The following FBXO38 variants were observed in gnomAD, a reference collection of about 807,000 sequenced individuals.
FBXO38 encodes F-box only protein 38.
FBXO38 carries 53 observed loss-of-function variants against 131.9 expected under a neutral mutation model. That is an observed-to-expected ratio of 0.40 (90% confidence interval 0.32 to 0.51). The LOEUF is 0.51. FBXO38 is among the 20% of genes least tolerant of loss of function. The probability of loss-of-function intolerance (pLI) is 0.53; values close to 1 mark genes in which losing one functional copy is unlikely to be tolerated. For missense variants in FBXO38, 1,076 were observed against 1,475.6 expected, an observed-to-expected ratio of 0.73 and a Z score of 4.44; for synonymous variants, 452 against 505.6, an observed-to-expected ratio of 0.89 and a Z score of 1.42.
At chr5:148,433,210 T>G in intron 15 of FBXO38, 1 of 458,484 alleles carries the variant, frequency 2.2e-6, no homozygotes, top group Non-Finnish European at 3.9e-6. Context: ...ATGAGAAGGG[T>G]TGTTATGTTT....
intron 18 of FBXO38, among the ~76,000 whole-genome samples, chr5:148,439,291 G>A (rs1754535185): frequency 6.6e-6 from 1 of 152,110 alleles, no homozygotes; most frequent in African/African-American, 2.4e-5. Context: ...ATTTGAATAG[G>A]GTATATGTTA....
chr5:148,416,149 T>C (rs1257284362), intron 11 of FBXO38, 79 bp downstream of exon 11: 13 of 1,352,730 alleles, frequency 9.6e-6, no homozygotes, highest in South Asian at 3.1e-5. Context: ...TTTTTTTTTT[T>C]CTTTTCAATG....
intron 12 of FBXO38, among the ~76,000 whole-genome samples, chr5:148,420,407 A>G (rs1417630008): frequency 6.6e-6 from 1 of 151,932 alleles, no homozygotes; most frequent in Non-Finnish European, 1.5e-5. Flanking sequence ...GATTACAGGC[A>G]TGAGTCAGTC....
rs1426177166 is a variant in FBXO38, at chr5:148,424,066, C to G, written c.1687C>G (p.Pro563Ala). 4.3e-6 allele frequency: 7 copies of G among 1,613,450 alleles called. No homozygotes were observed. The highest frequency in any genetic ancestry group is 3.4e-6 in the Non-Finnish European group (4 of 1,179,616). ...GGTGGCCGAGAGTGGAAATAATACT[C>G]CAGCTCACAGCCAGGCAATTATTCC... Reference protein sequence around the residue: ...EVVAESGNNTPAHSQAIIPVD... With the variant: ...EVVAESGNNTAAHSQAIIPVD... The change falls in exon 13 of 22, where the codon CCA becomes GCA. Residue 563 changes from proline to alanine, a missense_variant. Physicochemically the swap from Pro to Ala is conservative, Grantham distance 27. This residue lies in a region of FBXO38 where 212 missense variants were observed against 221.2 expected (regional missense o/e 0.96). Coordinates refer to ENST00000340253, the MANE Select transcript of FBXO38 (RefSeq NM_205836.3).
chr5:148,401,748 CAAT>C (rs1284850513), intron 3 of FBXO38, among the ~76,000 whole-genome samples: 1 of 152,072 alleles, frequency 6.6e-6, no homozygotes, highest in Non-Finnish European at 1.5e-5. Context: ...ACCAAAAAGT[CAAT>C]AATAAAAGCC....
chr5:148,424,190 C>T (rs771244323), intron 13 of FBXO38, 73 bp downstream of exon 13: 33 of 1,445,884 alleles, frequency 2.3e-5, no homozygotes, highest in East Asian at 1.4e-4. Context: ...CATGAGACAG[C>T]GAGAATGATT....
At chr5:148,388,349 C>G (rs1036135744) in intron 1 of FBXO38, among the ~76,000 whole-genome samples, 2 of 152,194 alleles carry the variant, frequency 1.3e-5, no homozygotes, top group African/African-American at 2.4e-5. Flanking sequence ...GCTGCAACTT[C>G]ATGTCACCAG....
intron 15 of FBXO38, among the ~76,000 whole-genome samples, chr5:148,431,261 T>C (rs1581292045): frequency 6.6e-6 from 1 of 152,210 alleles, no homozygotes; most frequent in East Asian, 1.9e-4. Flanking sequence ...CTAAACAAAA[T>C]TAATTGTCTC....
At chr5:148,384,955 A>G (rs957561684) in intron 1 of FBXO38, 1 of 152,202 alleles carries the variant, frequency 6.6e-6, no homozygotes, top group Non-Finnish European at 1.5e-5. Flanking sequence ...CTCTCTCTGA[A>G]CTTGAGATTT....
chr5:148,410,448 C>T, intron 8 of FBXO38, 187 bp from the exon 9 acceptor site: 1 of 635,738 alleles, frequency 1.6e-6, no homozygotes, highest in Non-Finnish European at 2.6e-6. Flanking sequence ...TTTTTGCCTT[C>T]AGCCATGTTC....
chr5:148,420,332 G>A (rs940584107), intron 12 of FBXO38, among the ~76,000 whole-genome samples: 3 of 151,620 alleles, frequency 2.0e-5, no homozygotes, highest in East Asian at 1.9e-4. Context: ...TTACTGTGTC[G>A]CCCAGTCTGG....
chr5:148,407,805 G>T (rs1181017563), intron 7 of FBXO38, among the ~76,000 whole-genome samples: 1 of 151,956 alleles, frequency 6.6e-6, no homozygotes. Context: ...GGCACCTGTA[G>T]TCCCAGCTAC....
chr5:148,423,231 C>T (rs1310474591), intron 12 of FBXO38, among the ~76,000 whole-genome samples: 2 of 152,112 alleles, frequency 1.3e-5, no homozygotes, highest in African/African-American at 4.8e-5. Context: ...GTATAAATTT[C>T]CCACTTGCTC....
intron 3 of FBXO38, among the ~76,000 whole-genome samples, chr5:148,400,847 T>C (rs1403222181): frequency 6.6e-6 from 1 of 152,092 alleles, no homozygotes; most frequent in Non-Finnish European, 1.5e-5. Flanking sequence ...TTTTTTATGC[T>C]TGTATATGGG....
chr5:148,421,006 A>C (rs796870111), intron 12 of FBXO38, among the ~76,000 whole-genome samples: 7 of 150,740 alleles, frequency 4.6e-5, no homozygotes, highest in African/African-American at 1.7e-4. Context: ...TCACTCTGTC[A>C]CCCAGACTGG....
chr5:148,395,307 C>T (rs1390034022), intron 2 of FBXO38, among the ~76,000 whole-genome samples: 2 of 152,060 alleles, frequency 1.3e-5, no homozygotes, highest in Non-Finnish European at 2.9e-5. Flanking sequence ...CTGACTACAA[C>T]CCACAGTGAG....
rs548894296 is a variant in FBXO38, at chr5:148,427,470, G to A, written c.2176G>A (p.Asp726Asn). The change falls in exon 15 of 22, where the codon GAC (aspartate) becomes AAC (asparagine). Residue 726 changes from aspartate to asparagine, a missense_variant. Physicochemically the swap from Asp to Asn is conservative, Grantham distance 23. This residue lies in a region of FBXO38 where 213 missense variants were observed against 225.2 expected (regional missense o/e 0.95). Coordinates refer to ENST00000340253, the MANE Select transcript of FBXO38 (RefSeq NM_205836.3). ...SSHNTASQSP[D>N]FVRTVNSGGS... ...ACACAACACTGCTTCTCAAAGCCCC[G>A]ACTTTGTAAGGACGGTGAACAGCGG... The A allele has an allele frequency of 4.8e-5, 77 of 1,614,202 alleles. No homozygotes were observed. Among genetic ancestry groups the A allele is most frequent in the East Asian group, 1.6e-4 (7 of 44,872 alleles).
chr5:148,431,654 G>A lies in FBXO38; in HGVS notation c.2654-1770G>A, dbSNP rs551234871. Among the ~76,000 whole-genome samples the A allele has an allele frequency of 2.0e-4, 31 of 152,298 alleles. No homozygotes were observed. In the South Asian group the frequency reaches 6.2e-3, roughly 31 times the overall value. Reference sequence around the variant, plus strand: ...GAGGGAACCAGGACTTACTAATGAGGTTTTAAAAGGATTGTGAATTTTGGC... The same window carrying A: ...GAGGGAACCAGGACTTACTAATGAGATTTTAAAAGGATTGTGAATTTTGGC... On this transcript the variant is annotated intron_variant, in intron 15 of 21. Transcript: ENST00000340253.
Position 148,427,573 on chromosome 5 carries a change from C to T in FBXO38, c.2279C>T (p.Ser760Phe). ...CACSPGGSED[S>F]EAMEEGDAES... ...TGCTCCCCCGGTGGGTCAGAGGACT[C>T]TGAGGCCATGGAGGAGGGAGATGCA... The change falls in exon 15 of 22, where the codon TCT becomes TTT. Residue 760 changes from serine (S) to phenylalanine (F), a missense_variant. Physicochemically the swap from Ser to Phe is radical, Grantham distance 155 (BLOSUM62 -2). Transcript: ENST00000340253. The T allele has an allele frequency of 1.2e-6, 2 of 1,614,172 alleles. No individual in the cohort carries two copies. The highest frequency in any genetic ancestry group is 1.7e-6 in the Non-Finnish European group (2 of 1,180,034).
Sources: gnomAD v4.1 joint callset for allele counts (sites outside exome capture counted in the v4.1 genomes callset) on GRCh38, gnomAD v4.1.1 for gene constraint, gnomAD v4.1.1 regional missense constraint, MANE v1.5 for transcripts, NCBI Gene and HGNC (gene_info 2026-07-23, HGNC 2026-07-21) for gene names.